Variants in EXOC6B observed in about 807,000 individuals in gnomAD.
The protein encoded by EXOC6B is SEC15 homolog B.
A neutral mutation model predicts 113.5 loss-of-function variants in EXOC6B; 54 were observed. The ratio of observed to expected loss-of-function variants is 0.48; its 90% CI spans 0.38 to 0.60. The LOEUF is 0.60. Among genes scored for constraint, EXOC6B ranks in the 20% least tolerant of loss-of-function variants. The pLI, the probability that EXOC6B is intolerant of heterozygous loss-of-function variation, is 0.00. For missense variants in EXOC6B, 797 were observed against 977.5 expected (o/e 0.82, Z 2.46); for synonymous variants, 357 against 339.0 (o/e 1.05, Z -0.58).
intron 1 of EXOC6B, among the ~76,000 whole-genome samples, chr2:72,796,062 A>G (rs1172446319): frequency 6.6e-6 from 1 of 150,664 alleles, no homozygotes; most frequent in Non-Finnish European, 1.5e-5. Context: ...ACATCAGGTG[A>G]TCCGCCCACC....
chr2:72,424,803 A>G (rs545143890), intron 18 of EXOC6B, among the ~76,000 whole-genome samples: 4 of 152,236 alleles, frequency 2.6e-5, no homozygotes, highest in African/African-American at 9.6e-5. Flanking sequence ...TAATTTGTTG[A>G]CTATATCTTC....
At chr2:72,599,371 C>G (rs996902854) in intron 6 of EXOC6B, among the ~76,000 whole-genome samples, 1 of 152,072 alleles carries the variant, frequency 6.6e-6, no homozygotes, top group African/African-American at 2.4e-5. Context: ...TAATAACTCT[C>G]AGCAAACTGC....
intron 1 of EXOC6B, among the ~76,000 whole-genome samples, chr2:72,823,414 C>G (rs1049082450): frequency 2.2e-5 from 3 of 139,196 alleles, no homozygotes; most frequent in Non-Finnish European, 4.5e-5. Flanking sequence ...ACAGTTGACC[C>G]TCTGTATCTG....
intron 20 of EXOC6B, among the ~76,000 whole-genome samples, chr2:72,191,007 CAG>C (rs2104278101): frequency 6.6e-6 from 1 of 152,264 alleles, no homozygotes; most frequent in Admixed American, 6.5e-5. Flanking sequence ...ATTTCAAACA[CAG>C]AGTTATCTGT....
intron 18 of EXOC6B, among the ~76,000 whole-genome samples, chr2:72,427,098 A>G (rs1232044884): frequency 6.6e-6 from 1 of 152,164 alleles, no homozygotes; most frequent in Admixed American, 6.5e-5. Flanking sequence ...GGGCAGTGTG[A>G]TGCTTCACAG....
At chr2:72,436,815 G>A (rs1377160961) in intron 18 of EXOC6B, among the ~76,000 whole-genome samples, 1 of 152,012 alleles carries the variant, frequency 6.6e-6, no homozygotes, top group Non-Finnish European at 1.5e-5. Flanking sequence ...CTTTTATCAA[G>A]GTTCTTAGCT....
intron 10 of EXOC6B, among the ~76,000 whole-genome samples, chr2:72,514,271 T>A (rs1161050835): frequency 6.6e-6 from 1 of 152,158 alleles, no homozygotes; most frequent in African/African-American, 2.4e-5. Flanking sequence ...TATTTTACTA[T>A]CTGGCCCTTT....
At chr2:72,465,384 T>C (rs1280689431) in intron 17 of EXOC6B, 45 bp from the exon 18 acceptor site, 1 of 1,470,272 alleles carries the variant, frequency 6.8e-7, no homozygotes, top group Non-Finnish European at 9.2e-7. Context: ...GATTTCAATA[T>C]GGGCAGAAAT....
intron 18 of EXOC6B, among the ~76,000 whole-genome samples, chr2:72,403,748 T>C (rs936210800): frequency 6.6e-6 from 1 of 152,020 alleles, no homozygotes; most frequent in Admixed American, 6.5e-5. Context: ...GATGGCCAAA[T>C]AGGAACAGCT....
At chr2:72,734,408 C>G (rs909149948) in intron 2 of EXOC6B, among the ~76,000 whole-genome samples, 3 of 152,138 alleles carry the variant, frequency 2.0e-5, no homozygotes, top group African/African-American at 7.2e-5. Flanking sequence ...AGTGATAAAG[C>G]CGTCCAAAAT....
At chr2:72,331,935 G>A (rs957160648) in intron 20 of EXOC6B, among the ~76,000 whole-genome samples, 2 of 152,022 alleles carry the variant, frequency 1.3e-5, no homozygotes, top group Non-Finnish European at 2.9e-5. Context: ...TTAAATGACC[G>A]TTATTATAGT....
intron 18 of EXOC6B, among the ~76,000 whole-genome samples, chr2:72,404,019 C>A (rs559250507): frequency 6.6e-6 from 1 of 152,174 alleles, no homozygotes; most frequent in African/African-American, 2.4e-5. Flanking sequence ...CCTAATACTG[C>A]GATTTTCCAA....
chr2:72,294,990 T>C (rs751791856), intron 20 of EXOC6B, among the ~76,000 whole-genome samples: 1 of 152,150 alleles, frequency 6.6e-6, no homozygotes, highest in Non-Finnish European at 1.5e-5. Flanking sequence ...CCCAGCACTT[T>C]GGGAGGCTGA....
chr2:72,731,479 C>G (rs1272023849), intron 3 of EXOC6B, among the ~76,000 whole-genome samples: 2 of 152,136 alleles, frequency 1.3e-5, no homozygotes, highest in African/African-American at 4.8e-5. Flanking sequence ...AAATGAAGTC[C>G]TAAAATACAA....
In EXOC6B at chr2:72,183,929, G is replaced by C. The variant is rs938228556; in HGVS notation, c.2309+146C>G. The C allele has an allele frequency of 2.1e-5, 11 of 524,780 alleles. No homozygotes were observed. In the Admixed American group the frequency reaches 2.8e-4, roughly 13 times the overall value. The allele number at this position is 524,780 out of a possible 1,614,324, so 32.5% of individuals were successfully genotyped here. A position where few individuals can be genotyped will look rare whatever the true frequency, so the allele number is the denominator to read the frequency against. On this transcript the variant is annotated intron_variant, in intron 21 of 21. Coordinates refer to ENST00000272427, the MANE Select transcript of EXOC6B (RefSeq NM_015189.3). Reference sequence around the variant, plus strand: ...CTGGCCTGCCAAGTCCAGTGACTGAGATTGCTGACAGCACCCAGGGCCTAT... The same window carrying C: ...CTGGCCTGCCAAGTCCAGTGACTGACATTGCTGACAGCACCCAGGGCCTAT...
chr2:72,581,933 C>T (rs1002512242), intron 6 of EXOC6B, among the ~76,000 whole-genome samples: 3 of 152,168 alleles, frequency 2.0e-5, no homozygotes, highest in Non-Finnish European at 2.9e-5. Context: ...CAGACCATTG[C>T]CTGAGGCAAC....
In EXOC6B at chr2:72,631,406, A is replaced by ATGTG. The variant is rs201743586; in HGVS notation, c.670-55742_670-55739dup. The stretch of plus-strand genomic sequence containing the variant: ...TGGAGTGATATAGTAGTGTGTGTAT[A>ATGTG]TGTGTGTGTGTGTGTGTGTGTATAT... On this transcript the variant is annotated intron_variant, in intron 6 of 21. Transcript: ENST00000272427. 2.7e-3 allele frequency among the ~76,000 whole-genome samples: 279 copies of ATGTG among 102,272 alleles called. 13 individuals are homozygous for ATGTG. The highest frequency in any genetic ancestry group is 8.8e-3 in the African/African-American group (254 of 28,930). 67.1% of individuals were successfully genotyped at this position (102,272 alleles called of 152,430 possible).
At chr2:72,259,082 T>C (rs751236643) in intron 20 of EXOC6B, among the ~76,000 whole-genome samples, 7 of 152,202 alleles carry the variant, frequency 4.6e-5, no homozygotes, top group Non-Finnish European at 8.8e-5. Flanking sequence ...AATGCACAAA[T>C]CTTAGGTATA....
At chr2:72,481,202 C>T (rs1340726417) in intron 16 of EXOC6B, among the ~76,000 whole-genome samples, 2 of 152,164 alleles carry the variant, frequency 1.3e-5, no homozygotes, top group East Asian at 1.9e-4. Context: ...CTGAGGCCTC[C>T]CAAGCCATGC....
Sources: allele counts gnomAD v4.1 joint callset (sites outside exome capture counted in the v4.1 genomes callset), GRCh38; gene constraint gnomAD v4.1.1; transcripts MANE v1.5; gene names NCBI Gene and HGNC (gene_info 2026-07-23, HGNC 2026-07-21).